The following PRKN variants were observed in gnomAD, a reference collection of about 807,000 sequenced individuals.
PRKN encodes parkin RBR E3 ubiquitin protein ligase.
Under a neutral mutation model 59.5 loss-of-function variants are expected in PRKN, and 56 were observed. The observed-to-expected ratio is 0.94, with a 90% CI of 0.76 to 1.18. The LOEUF is 1.18. Among genes scored for constraint, PRKN ranks in the 50% most tolerant of loss-of-function variants. The pLI is 0.00. For missense variants in PRKN, 657 were observed against 596.4 expected (o/e 1.10, Z -1.06); for synonymous variants, 250 against 222.1 (o/e 1.13, Z -1.12).
intron 9 of PRKN, among the ~76,000 whole-genome samples, chr6:161,438,298 AC>A (rs1789024470): frequency 6.8e-6 from 1 of 146,986 alleles, no homozygotes; most frequent in South Asian, 2.2e-4. Flanking sequence ...ACTCACTGCA[AC>A]CTCCGCCTCC....
intron 9 of PRKN, among the ~76,000 whole-genome samples, chr6:161,501,275 C>T (rs1777954141): frequency 6.6e-6 from 1 of 152,218 alleles, no homozygotes; most frequent in African/African-American, 2.4e-5. Context: ...CCACATCCTC[C>T]CCAGCATCTG....
chr6:162,340,608 A>G (rs1784134098), intron 2 of PRKN, among the ~76,000 whole-genome samples: 1 of 152,158 alleles, frequency 6.6e-6, no homozygotes, highest in African/African-American at 2.4e-5. Flanking sequence ...AGAACAGAGG[A>G]CTCAGAAATA....
chr6:162,089,670 A>G (rs1779394892), intron 4 of PRKN, among the ~76,000 whole-genome samples: 1 of 152,246 alleles, frequency 6.6e-6, no homozygotes, highest in Non-Finnish European at 1.5e-5. Flanking sequence ...CATAAACAAA[A>G]TGCAGTATAT....
rs554361348 is a variant in PRKN, at chr6:162,067,730, A to G, written c.535-13556T>C. 1.2e-4 allele frequency among the ~76,000 whole-genome samples: 19 copies of G among 152,316 alleles called. No individual in the cohort carries two copies. The South Asian group carries it at 3.9e-3, about 32-fold the overall frequency. Reference sequence around the variant, plus strand: ...ATAGTTAATACCATATGTACACCTCATCCCTAGTGACCTATAAACAAAACA... The same window carrying G: ...ATAGTTAATACCATATGTACACCTCGTCCCTAGTGACCTATAAACAAAACA... On this transcript the variant is annotated intron_variant, in intron 4 of 11. Transcript: ENST00000366898.
At chr6:161,594,386 C>A (rs533387884) in intron 7 of PRKN, among the ~76,000 whole-genome samples, 4 of 152,196 alleles carry the variant, frequency 2.6e-5, no homozygotes, top group Non-Finnish European at 5.9e-5. Context: ...AGGCTGTGGG[C>A]AAGATGGGAG....
intron 7 of PRKN, among the ~76,000 whole-genome samples, chr6:161,632,122 C>G (rs1783337025): frequency 6.6e-6 from 1 of 152,128 alleles, no homozygotes; most frequent in Admixed American, 6.6e-5. Context: ...AAGAGACTTT[C>G]CAGTGGAACT....
chr6:162,493,099 C>A (rs897309514), intron 1 of PRKN, among the ~76,000 whole-genome samples: 13 of 152,184 alleles, frequency 8.5e-5, no homozygotes, highest in Admixed American at 5.2e-4. Context: ...TTGTTTTATA[C>A]CAGCCTATCT....
chr6:161,917,886 T>C (rs967536547), intron 6 of PRKN, among the ~76,000 whole-genome samples: 1 of 152,210 alleles, frequency 6.6e-6, no homozygotes, highest in African/African-American at 2.4e-5. Context: ...TCGCTGATCA[T>C]GTCACCCTTG....
chr6:162,040,182 G>A (rs1326457688), intron 5 of PRKN, among the ~76,000 whole-genome samples: 2 of 152,100 alleles, frequency 1.3e-5, no homozygotes, highest in African/African-American at 4.8e-5. Flanking sequence ...ATTTCCATGT[G>A]CCTTTCCCTC....
intron 6 of PRKN, among the ~76,000 whole-genome samples, chr6:161,897,193 G>A (rs147717636): frequency 3.9e-5 from 6 of 152,264 alleles, no homozygotes; most frequent in Non-Finnish European, 7.3e-5. Flanking sequence ...AAGTGAACAC[G>A]TGGCATTCAT....
intron 9 of PRKN, among the ~76,000 whole-genome samples, chr6:161,509,207 T>G (rs1335029951): frequency 1.3e-5 from 2 of 152,140 alleles, no homozygotes; most frequent in African/African-American, 2.4e-5. Context: ...TTTCTTTTTT[T>G]TTTTTTTAAA....
intron 7 of PRKN, among the ~76,000 whole-genome samples, chr6:161,715,832 C>A (rs1007344630): frequency 6.6e-6 from 1 of 152,184 alleles, no homozygotes; most frequent in Admixed American, 6.5e-5. Context: ...ACAAGCTCCC[C>A]TACCATCCAC....
intron 2 of PRKN, among the ~76,000 whole-genome samples, chr6:162,324,505 A>G (rs1783177188): frequency 6.6e-6 from 1 of 152,168 alleles, no homozygotes; most frequent in African/African-American, 2.4e-5. Flanking sequence ...GGTAAAGTAA[A>G]TGCATTAGAA....
chr6:162,571,529 G>C (rs1279988606), intron 1 of PRKN, among the ~76,000 whole-genome samples: 3 of 152,162 alleles, frequency 2.0e-5, no homozygotes, highest in Non-Finnish European at 4.4e-5. Context: ...GTGATTGGTT[G>C]AATGTAGGCA....
At chr6:161,807,717 C>T (rs943595889) in intron 6 of PRKN, among the ~76,000 whole-genome samples, 17 of 152,160 alleles carry the variant, frequency 1.1e-4, no homozygotes, top group Non-Finnish European at 7.3e-5. Flanking sequence ...TGCCTCTGTA[C>T]GTCTTCCCTC....
At chr6:162,468,033 C>T (rs1791516818) in intron 1 of PRKN, among the ~76,000 whole-genome samples, 1 of 152,204 alleles carries the variant, frequency 6.6e-6, no homozygotes, top group South Asian at 2.1e-4. Context: ...TAACTACTCT[C>T]TCATCACCTT....
intron 7 of PRKN, among the ~76,000 whole-genome samples, chr6:161,630,298 CG>C (rs1783252302): frequency 6.6e-6 from 1 of 152,062 alleles, no homozygotes; most frequent in Non-Finnish European, 1.5e-5. Context: ...AGTTTGAAAA[CG>C]TGGCCAATCA....
intron 2 of PRKN, among the ~76,000 whole-genome samples, chr6:162,394,368 T>C (rs1787369653): frequency 6.6e-6 from 1 of 152,186 alleles, no homozygotes; most frequent in South Asian, 2.1e-4. Context: ...GAAATATGTA[T>C]GACTCTATGT....
rs191068143 is a variant in PRKN at position 161,473,452 on chromosome 6, A to G, written c.1083+75402T>C. 1.4e-4 allele frequency among the ~76,000 whole-genome samples: 22 copies of G among 152,020 alleles called. No homozygotes were observed. Among genetic ancestry groups the G allele is most frequent in the African/African-American group, 4.8e-4 (20 of 41,504 alleles). ...AACATGTATTAACCTGGAGGACATT[A>G]TGCTAAGTGAACTGAGCCAGACACA... On this transcript the variant is annotated intron_variant, in intron 9 of 11. Coordinates refer to ENST00000366898, the MANE Select transcript of PRKN (RefSeq NM_004562.3). The surrounding 1 kb of genome is among the most constrained non-coding windows in gnomAD (Gnocchi z 4.1).
Sources: allele counts gnomAD v4.1 joint callset (sites outside exome capture counted in the v4.1 genomes callset), GRCh38; gene constraint gnomAD v4.1.1; non-coding constraint Gnocchi (gnomAD v3.1); transcripts MANE v1.5; gene names NCBI Gene and HGNC (gene_info 2026-07-23, HGNC 2026-07-21).